PLCE1: variants seen among roughly 807,000 people sequenced by gnomAD.
PLCE1 encodes 1-phosphatidylinositol 4,5-bisphosphate phosphodiesterase epsilon-1.
PLCE1 carries 119 observed loss-of-function variants against 242.8 expected under a neutral mutation model. The ratio of observed to expected loss-of-function variants is 0.49; its 90% CI spans 0.42 to 0.57. The LOEUF (loss-of-function observed/expected upper bound fraction) is 0.57, where lower values mean the gene tolerates loss of function less well. PLCE1 is among the 20% of genes least tolerant of loss of function. The probability of loss-of-function intolerance (pLI) is 0.00; values close to 1 mark genes in which losing one functional copy is unlikely to be tolerated. For synonymous variants in PLCE1, 945 were observed against 1,017.4 expected (o/e 0.93, Z 1.35); for missense variants, 2,441 against 2,788.8 (o/e 0.88, Z 2.81).
chr10:94,068,402 C>T (rs1420922209), intron 2 of PLCE1, among the ~76,000 whole-genome samples: 2 of 116,850 alleles, frequency 1.7e-5, no homozygotes, highest in Non-Finnish European at 3.2e-5. Flanking sequence ...AACAATTCAA[C>T]AATAAATAAT....
rs1696396078 is a variant in PLCE1 at position 94,324,564 on chromosome 10, G to A, written c.6717G>A (p.Val2239=). ...TCATCCTTAAGCTAAAGGAGCAGGT[G>A]CAGGTAAAGTTTAAAGTTATTTTGC... ...GKFILKLKEQ[V]QASREDKKKG... Residue 2239 remains valine, a synonymous_variant, in exon 31 of 33, where the codon GTG becomes GTA. Coordinates refer to ENST00000371380, the MANE Select transcript of PLCE1 (RefSeq NM_016341.4). 1.2e-6 allele frequency: 2 copies of A among 1,611,812 alleles called. No homozygotes were observed. The highest frequency in any genetic ancestry group is 1.7e-6 in the Non-Finnish European group (2 of 1,177,888).
intron 2 of PLCE1, among the ~76,000 whole-genome samples, chr10:94,120,109 A>T (rs1029741464): frequency 2.6e-5 from 4 of 152,018 alleles, no homozygotes; most frequent in African/African-American, 9.7e-5. Context: ...CTTTCCTACT[A>T]TTCTCTACCC....
rs760990876 is a variant in PLCE1 at position 94,255,004 on chromosome 10, C to T, written c.3509C>T (p.Pro1170Leu). Reference sequence around the variant, plus strand: ...GCCGGGACGTCATCTCCCATCAGGCCAGTGTCCTCCCCTGTGCTGTCTTCT... The same window carrying T: ...GCCGGGACGTCATCTCCCATCAGGCTAGTGTCCTCCCCTGTGCTGTCTTCT... ...LAAGTSSPIRPVSSPVLSSSN... is the reference protein window; with the variant it reads ...LAAGTSSPIRLVSSPVLSSSN... The change falls in exon 11 of 33, where the codon CCA becomes CTA. Residue 1170 changes from proline to leucine, a missense_variant. Physicochemically the swap from Pro to Leu is moderately conservative, Grantham distance 98. Coordinates refer to ENST00000371380, the MANE Select transcript of PLCE1 (RefSeq NM_016341.4). 6 of 1,614,148 alleles carry T rather than the reference C, an allele frequency of 3.7e-6. No individual in the cohort carries two copies. The East Asian group carries it at 1.3e-4, about 36-fold the overall frequency.
chr10:94,077,847 G>A (rs1394615845), intron 2 of PLCE1, among the ~76,000 whole-genome samples: 1 of 152,244 alleles, frequency 6.6e-6, no homozygotes, highest in Non-Finnish European at 1.5e-5. Flanking sequence ...TTGTTTCTGC[G>A]AGATAAAGAT....
At chr10:94,233,251 C>T (rs181916637) in intron 5 of PLCE1, among the ~76,000 whole-genome samples, 120 of 152,296 alleles carry the variant, frequency 7.9e-4, no homozygotes, top group African/African-American at 2.6e-3. Context: ...CAAGGTCCCC[C>T]AAAATGGGCT....
chr10:94,136,684 T>G (rs1190008393), intron 3 of PLCE1, among the ~76,000 whole-genome samples: 2 of 152,216 alleles, frequency 1.3e-5, no homozygotes, highest in African/African-American at 4.8e-5. Context: ...AGAAGGCCAA[T>G]AATCAGAACA....
At chr10:94,279,667 C>A in intron 19 of PLCE1, 115 bp from the exon 20 acceptor site, 1 of 1,190,986 alleles carries the variant, frequency 8.4e-7, no homozygotes, top group Non-Finnish European at 1.2e-6. Flanking sequence ...CCAAATGTAT[C>A]AAAATAGGTT....
intron 3 of PLCE1, 47 bp from the exon 4 acceptor site, chr10:94,171,133 G>A (rs761375714): frequency 4.8e-6 from 7 of 1,446,634 alleles, no homozygotes; most frequent in South Asian, 1.1e-5. Context: ...TCTGTTGCAG[G>A]GGACACCAGA....
intron 23 of PLCE1, among the ~76,000 whole-genome samples, chr10:94,295,265 C>G (rs1459631145): frequency 6.6e-6 from 1 of 152,022 alleles, no homozygotes. Context: ...CCCACTGCTG[C>G]TTTATCAACT....
At chr10:94,180,715 C>T (rs1036047430) in intron 4 of PLCE1, among the ~76,000 whole-genome samples, 5 of 152,174 alleles carry the variant, frequency 3.3e-5, no homozygotes, top group African/African-American at 1.2e-4. Flanking sequence ...GAGTTGGGAC[C>T]TCTAAGAGGT....
chr10:94,047,338 T>C (rs1589913496), intron 2 of PLCE1, among the ~76,000 whole-genome samples: 1 of 152,186 alleles, frequency 6.6e-6, no homozygotes, highest in African/African-American at 2.4e-5. Context: ...ATTGCTTGTC[T>C]CCCTACCAGT....
intron 2 of PLCE1, among the ~76,000 whole-genome samples, chr10:94,041,613 G>T (rs989779947): frequency 2.0e-5 from 3 of 152,096 alleles, no homozygotes; most frequent in African/African-American, 7.2e-5. Context: ...CACGCCTCCC[G>T]ATCTCAAGAC....
intron 14 of PLCE1, among the ~76,000 whole-genome samples, chr10:94,264,127 T>A (rs565140170): frequency 1.3e-5 from 2 of 151,772 alleles, no homozygotes; most frequent in East Asian, 1.9e-4. Context: ...AATAATGGGG[T>A]AGGGGAAAAA....
intron 2 of PLCE1, among the ~76,000 whole-genome samples, chr10:94,106,351 A>G (rs1011687486): frequency 2.0e-5 from 3 of 152,168 alleles, no homozygotes; most frequent in Admixed American, 1.3e-4. Flanking sequence ...TCCTACACAT[A>G]TCTCTTACAT....
chr10:94,306,357 G>T lies in PLCE1; in HGVS notation c.5623-70G>T. On this transcript the variant is annotated intron_variant, in intron 25 of 32. Transcript: ENST00000371380. This position sits in a 1 kb window ranked among gnomAD's most constrained non-coding sequence, Gnocchi z 5.7. ...TGGGATTCCTTTGCAGAGGGAAGCA[G>T]TGAGGTGCAGAGGTTGTCTTTCTTT... 1.9e-6 allele frequency: 3 copies of T among 1,613,118 alleles called. No homozygotes were observed. Among genetic ancestry groups the T allele is most frequent in the Non-Finnish European group, 2.5e-6 (3 of 1,179,310 alleles).
intron 1 of PLCE1, among the ~76,000 whole-genome samples, 56 bp from the exon 2 acceptor site, chr10:94,030,627 T>G (rs1179492857): frequency 2.0e-5 from 3 of 152,132 alleles, no homozygotes; most frequent in Admixed American, 2.0e-4. Flanking sequence ...TGTGAGATCA[T>G]TTTTTTAAAA....
chr10:94,220,829 G>A (rs926976991), intron 4 of PLCE1, among the ~76,000 whole-genome samples: 2 of 152,190 alleles, frequency 1.3e-5, no homozygotes, highest in African/African-American at 4.8e-5. Context: ...AGGGCTCAGA[G>A]CAGTTAGATG....
intron 6 of PLCE1, among the ~76,000 whole-genome samples, chr10:94,234,886 G>C (rs1169136158): frequency 6.6e-6 from 1 of 152,166 alleles, no homozygotes; most frequent in African/African-American, 2.4e-5. Context: ...TTGGAGAGAA[G>C]GGGAGTTGAG....
At chr10:94,154,895 C>CATATAT (rs56833534) in intron 3 of PLCE1, among the ~76,000 whole-genome samples, 1 of 144,658 alleles carries the variant, frequency 6.9e-6, no homozygotes, top group African/African-American at 2.5e-5. Flanking sequence ...TATATATATA[C>CATATAT]ATATATATAT....
Sources: allele counts gnomAD v4.1 joint callset (sites outside exome capture counted in the v4.1 genomes callset), GRCh38; gene constraint gnomAD v4.1.1; non-coding constraint Gnocchi (gnomAD v3.1); transcripts MANE v1.5; gene names NCBI Gene and HGNC (gene_info 2026-07-23, HGNC 2026-07-21).